Variants in PPP1R12A observed in about 807,000 individuals in gnomAD.
PPP1R12A encodes protein phosphatase 1 regulatory subunit 12A, also known as myosin binding subunit.
Under a neutral mutation model 139.6 loss-of-function variants are expected in PPP1R12A, and 19 were observed. That is an observed-to-expected ratio of 0.14 (90% CI 0.09 to 0.20). The LOEUF (loss-of-function observed/expected upper bound fraction) is 0.20. PPP1R12A is among the 10% of genes least tolerant of loss of function. PPP1R12A has a pLI of 1.00. For missense variants in PPP1R12A, 925 were observed against 1,211.5 expected (o/e 0.76, Z 3.51); for synonymous variants, 427 against 420.6 (o/e 1.02, Z -0.19).
chr12:79,816,940 A>G (rs1875468335), intron 9 of PPP1R12A, among the ~76,000 whole-genome samples: 1 of 152,156 alleles, frequency 6.6e-6, no homozygotes, highest in Non-Finnish European at 1.5e-5. Flanking sequence ...TAAAAAATTT[A>G]GATTTTAGTT....
rs1048306362 is a variant in PPP1R12A at position 79,895,981 on chromosome 12, G to T, written c.238-23043C>A. On this transcript the variant is annotated intron_variant, in intron 1 of 24. Transcript: ENST00000450142. ...CCTGATCTATGTCATTAAGGATAAA[G>T]AAATGGTGAAGGTTAAAACAATTTT... Among the ~76,000 whole-genome samples the T allele has an allele frequency of 1.1e-4, 15 of 136,470 alleles. No homozygotes were observed. The Admixed American group carries it at 1.2e-3, about 11-fold the overall frequency. The allele number at this position is 136,470 out of a possible 152,430, so 89.5% of individuals were successfully genotyped here. A position where few individuals can be genotyped will look rare whatever the true frequency, so the allele number is the denominator to read the frequency against.
chr12:79,820,947 A>G lies in PPP1R12A; in HGVS notation c.957-16T>C, dbSNP rs1165080085. 9 of 1,612,084 alleles carry G rather than the reference A, an allele frequency of 5.6e-6. No homozygotes were observed. Among genetic ancestry groups the G allele is most frequent in the Non-Finnish European group, 7.6e-6 (9 of 1,179,050 alleles). On this transcript the variant is annotated splice_polypyrimidine_tract_variant and intron_variant, in intron 7 of 24. Coordinates refer to ENST00000450142, the MANE Select transcript of PPP1R12A (RefSeq NM_002480.3). The stretch of plus-strand genomic sequence containing the variant: ...CGTCTCTTTGCTGTTAAAGGAAAAC[A>G]GTGTTCAAATGATTAGAAATACAAA...
Position 79,876,641 on chromosome 12 carries a change from A to G in PPP1R12A, c.238-3703T>C, listed in dbSNP as rs184745786. Among the ~76,000 whole-genome samples the G allele has an allele frequency of 3.8e-4, 58 of 152,346 alleles. 1 individual carries two copies. The East Asian group carries it at 7.3e-3, about 19-fold the overall frequency. ...TAGGGGCTAAGTATTACTTGTATAC[A>G]TGAAATAAATTTTCCTTAACTACCA... On this transcript the variant is annotated intron_variant, in intron 1 of 24. Transcript: ENST00000450142.
chr12:79,890,911 A>C (rs887062591), intron 1 of PPP1R12A, among the ~76,000 whole-genome samples: 30 of 141,804 alleles, frequency 2.1e-4, no homozygotes, highest in African/African-American at 7.8e-4. Context: ...CCACCCACAC[A>C]CACACACACA....
chr12:79,916,435 CA>C (rs1235289067), intron 1 of PPP1R12A, among the ~76,000 whole-genome samples: 1 of 152,078 alleles, frequency 6.6e-6, no homozygotes, highest in East Asian at 1.9e-4. Context: ...AAGAATGGGG[CA>C]AAAGAGCATA....
intron 9 of PPP1R12A, among the ~76,000 whole-genome samples, chr12:79,815,688 C>T (rs1292855119): frequency 6.6e-6 from 1 of 152,062 alleles, no homozygotes; most frequent in East Asian, 1.9e-4. Flanking sequence ...TTAATTAAAG[C>T]AGTTTATAGT....
chr12:79,867,331 C>T (rs899758295), intron 2 of PPP1R12A, among the ~76,000 whole-genome samples: 3 of 151,702 alleles, frequency 2.0e-5, no homozygotes, highest in Non-Finnish European at 4.4e-5. Flanking sequence ...GGTGGGGGGT[C>T]AGGGGAAGGA....
chr12:79,932,811 T>A (rs2136982375), intron 1 of PPP1R12A, among the ~76,000 whole-genome samples: 1 of 152,314 alleles, frequency 6.6e-6, no homozygotes, highest in Admixed American at 6.5e-5. Flanking sequence ...ATAATGTAAA[T>A]ATCAAAACTT....
At chr12:79,921,651 G>C (rs1317963778) in intron 1 of PPP1R12A, among the ~76,000 whole-genome samples, 2 of 152,100 alleles carry the variant, frequency 1.3e-5, no homozygotes, top group African/African-American at 4.8e-5. Context: ...TATACTACAT[G>C]TAGCCAGGGA....
At chr12:79,781,435 A>C (rs777583221) in intron 23 of PPP1R12A, among the ~76,000 whole-genome samples, 31 of 152,110 alleles carry the variant, frequency 2.0e-4, no homozygotes, top group African/African-American at 7.2e-4. Flanking sequence ...AAAGTATTTT[A>C]GGTTTATAAA....
chr12:79,892,297 C>T lies in PPP1R12A; in HGVS notation c.238-19359G>A, dbSNP rs201538826. Reference sequence around the variant, plus strand: ...AATAACACTAGACCACCCTCCATTTCTTAAACATGCCCAATCCGAAATTAT... The same window carrying T: ...AATAACACTAGACCACCCTCCATTTTTTAAACATGCCCAATCCGAAATTAT... On this transcript the variant is annotated intron_variant, in intron 1 of 24. Coordinates refer to ENST00000450142, the MANE Select transcript of PPP1R12A (RefSeq NM_002480.3). 5.7e-4 allele frequency among the ~76,000 whole-genome samples: 87 copies of T among 152,262 alleles called. No individual in the cohort carries two copies. The East Asian group carries it at 0.014, about 24-fold the overall frequency.
intron 1 of PPP1R12A, among the ~76,000 whole-genome samples, chr12:79,883,589 G>T (rs372870238): frequency 6.6e-6 from 1 of 152,136 alleles, no homozygotes; most frequent in Middle Eastern, 3.2e-3. Context: ...ATTTGTTTTG[G>T]ATATGCTGAA....
chr12:79,906,700 G>C (rs1886153271), intron 1 of PPP1R12A, among the ~76,000 whole-genome samples: 2 of 152,202 alleles, frequency 1.3e-5, no homozygotes, highest in East Asian at 1.9e-4. Flanking sequence ...CTGGAGTGCA[G>C]TGGCACGATC....
chr12:79,883,192 A>G (rs1268428501), intron 1 of PPP1R12A, among the ~76,000 whole-genome samples: 3 of 152,126 alleles, frequency 2.0e-5, no homozygotes, highest in Non-Finnish European at 2.9e-5. Flanking sequence ...AAAGACTATG[A>G]CTGGCTGAAG....
At chr12:79,840,599 G>GT (rs1422098597) in intron 3 of PPP1R12A, among the ~76,000 whole-genome samples, 3 of 152,098 alleles carry the variant, frequency 2.0e-5, no homozygotes, top group African/African-American at 7.2e-5. Context: ...GGAAACTTTA[G>GT]TAAGTTAGGC....
intron 2 of PPP1R12A, among the ~76,000 whole-genome samples, chr12:79,847,043 G>C (rs1489054988): frequency 6.6e-6 from 1 of 151,822 alleles, no homozygotes; most frequent in Non-Finnish European, 1.5e-5. Context: ...TTTAAAAAAA[G>C]TACACGTCCA....
chr12:79,788,804 T>C (rs1213728941), intron 20 of PPP1R12A, 21 bp from the exon 21 acceptor site: 1 of 1,552,264 alleles, frequency 6.4e-7, no homozygotes, highest in East Asian at 2.4e-5. Context: ...TTAATTTAAA[T>C]AAAAAACCTT....
intron 14 of PPP1R12A, among the ~76,000 whole-genome samples, chr12:79,802,060 T>A (rs1035583809): frequency 1.3e-5 from 2 of 152,208 alleles, no homozygotes; most frequent in Non-Finnish European, 2.9e-5. Context: ...ATAATCTTGT[T>A]ATTAAAATTT....
intron 1 of PPP1R12A, among the ~76,000 whole-genome samples, chr12:79,921,289 TAAG>T (rs1218310556): frequency 3.3e-5 from 5 of 152,102 alleles, no homozygotes; most frequent in African/African-American, 7.2e-5. Flanking sequence ...ATGGATCATG[TAAG>T]AAGGAGGACA....
Sources: allele counts gnomAD v4.1 joint callset (sites outside exome capture counted in the v4.1 genomes callset), GRCh38; gene constraint gnomAD v4.1.1; transcripts MANE v1.5; gene names NCBI Gene and HGNC (gene_info 2026-07-23, HGNC 2026-07-21).